Variants in SASH1 observed in about 807,000 individuals in gnomAD.
SASH1 encodes the protein SAM and SH3 domain containing 1.
SASH1 carries 44 observed loss-of-function variants against 125.2 expected under a neutral mutation model. The observed-to-expected ratio is 0.35, with a 90% CI of 0.28 to 0.45. The LOEUF (loss-of-function observed/expected upper bound fraction) is 0.45, where lower values mean the gene tolerates loss of function less well. SASH1 is among the 20% of genes least tolerant of loss of function. SASH1 has a pLI of 1.00. For missense variants in SASH1, 1,426 were observed against 1,614.5 expected, an observed-to-expected ratio of 0.88 and a Z score of 2.00; for synonymous variants, 639 against 649.1, an observed-to-expected ratio of 0.98 and a Z score of 0.24.
At chr6:148,341,067 C>G (rs1781304924), upstream of SASH1, among the ~76,000 whole-genome samples, 1 of 152,100 alleles carries the variant, frequency 6.6e-6, no homozygotes, top group African/African-American at 2.4e-5. Flanking sequence ...CCCAGGAGTT[C>G]AAGGCCGCAG....
At chr6:148,326,034 C>CT (rs67220775) in intron 1 of SASH1, among the ~76,000 whole-genome samples, 70,931 of 141,978 alleles carry the variant, frequency 0.5, 17,881 homozygotes, top group Middle Eastern at 0.67. Flanking sequence ...TGCTCTTGAA[C>CT]TTTTTTTTTT....
intron 4 of SASH1, among the ~76,000 whole-genome samples, chr6:148,449,995 C>G (rs1227424112): frequency 6.6e-6 from 1 of 152,172 alleles, no homozygotes; most frequent in African/African-American, 2.4e-5. Flanking sequence ...GATCTGCTCC[C>G]GTGACCCAAC....
intron 1 of SASH1, among the ~76,000 whole-genome samples, chr6:148,378,586 C>A (rs541795392): frequency 1.3e-5 from 2 of 152,312 alleles, no homozygotes; most frequent in African/African-American, 4.8e-5. Flanking sequence ...TCTCAAACTC[C>A]TGGGCTCAAG....
intron 2 of SASH1, among the ~76,000 whole-genome samples, chr6:148,431,272 C>T (rs1310147968): frequency 1.3e-5 from 2 of 151,898 alleles, no homozygotes; most frequent in Non-Finnish European, 2.9e-5. Flanking sequence ...GATCTCGGCT[C>T]ACTGCAACCT....
At chr6:148,322,934 T>TTTCTCTCTTTTCTTTTCCTTCC (rs1554234566) in intron 1 of SASH1, among the ~76,000 whole-genome samples, 1 of 129,406 alleles carries the variant, frequency 7.7e-6, no homozygotes, top group Non-Finnish European at 1.7e-5. Flanking sequence ...TCTCTCTTTC[T>TTTCTCTCTTTTCTTTTCCTTCC]TTTCCTTCCT....
chr6:148,392,286 C>CAAAAAAA (rs61537766), intron 2 of SASH1, among the ~76,000 whole-genome samples: 1 of 116,126 alleles, frequency 8.6e-6, no homozygotes. Flanking sequence ...AACTCTGTCT[C>CAAAAAAA]AAAAAAAAAA....
intron 15 of SASH1, 135 bp downstream of exon 15, chr6:148,534,115 G>A (rs1169423363): frequency 3.0e-6 from 2 of 674,664 alleles, no homozygotes; most frequent in Non-Finnish European, 5.1e-6. Flanking sequence ...TCGTTACTAT[G>A]ATGAGCATTC....
At chr6:148,538,254 T>G (rs1781992626) in intron 16 of SASH1, among the ~76,000 whole-genome samples, 1 of 152,082 alleles carries the variant, frequency 6.6e-6, no homozygotes, top group Admixed American at 6.5e-5. Flanking sequence ...CATGCTGCAG[T>G]AGGAGCAGGT....
intron 2 of SASH1, among the ~76,000 whole-genome samples, chr6:148,404,300 C>G (rs1318154827): frequency 1.3e-5 from 2 of 152,142 alleles, no homozygotes; most frequent in African/African-American, 4.8e-5. Context: ...GTTCAGACTT[C>G]TAATTAGAGG....
the SASH1 span, among the ~76,000 whole-genome samples, chr6:148,242,140 T>C: frequency 6.6e-6 from 1 of 152,228 alleles, no homozygotes; most frequent in South Asian, 2.1e-4. Context: ...AGTCAACCAG[T>C]CTCTTGCTAT....
At chr6:148,364,994 G>A (rs1389614987) in intron 1 of SASH1, among the ~76,000 whole-genome samples, 1 of 152,070 alleles carries the variant, frequency 6.6e-6, no homozygotes, top group Non-Finnish European at 1.5e-5. Flanking sequence ...ATGGTGGTAT[G>A]TGCCTGTAAT....
chr6:148,269,429 C>T (rs1422859568), upstream of SASH1, among the ~76,000 whole-genome samples: 1 of 152,158 alleles, frequency 6.6e-6, no homozygotes. Flanking sequence ...ACCATTATGC[C>T]CAGCAAATGT....
At position 148,274,867 on chromosome 6, in the gene SASH1, C is replaced by A. The variant is rs542065507; in HGVS notation, n.74+2490C>A. ...AAAATCCAGATCCAAAATCTCTCTG[C>A]CTCTTTTCCAGTAACAAACCCAGCA... On this transcript the variant is annotated intron_variant and non_coding_transcript_variant, in intron 1 of 3. Coordinates refer to the SASH1 transcript ENST00000367469. Among the ~76,000 whole-genome samples the A allele has an allele frequency of 9.2e-5, 14 of 152,300 alleles. No homozygotes were observed. In the South Asian group the frequency reaches 2.9e-3, roughly 32 times the overall value.
chr6:148,441,998 T>C (rs1177936523), intron 4 of SASH1, among the ~76,000 whole-genome samples: 3 of 152,240 alleles, frequency 2.0e-5, no homozygotes, highest in Admixed American at 2.0e-4. Context: ...TCTAAACAAT[T>C]TGAAAGTTTA....
chr6:148,360,322 C>T (rs1277750408), intron 1 of SASH1, among the ~76,000 whole-genome samples: 1 of 151,144 alleles, frequency 6.6e-6, no homozygotes, highest in Non-Finnish European at 1.5e-5. Flanking sequence ...ACTTGGCTGC[C>T]ACAGGACTTG....
At chr6:148,265,177 G>T in the SASH1 span, among the ~76,000 whole-genome samples, 1 of 152,050 alleles carries the variant, frequency 6.6e-6, no homozygotes, top group Non-Finnish European at 1.5e-5. Flanking sequence ...AGACATGACG[G>T]CACACACCTG....
At chr6:148,322,632 A>G (rs1780664196) in intron 1 of SASH1, among the ~76,000 whole-genome samples, 1 of 151,506 alleles carries the variant, frequency 6.6e-6, no homozygotes. Context: ...TGCTGCTGTG[A>G]CTCTTCTCTT....
intron 1 of SASH1, among the ~76,000 whole-genome samples, chr6:148,357,752 C>T (rs527403770): frequency 1.3e-5 from 2 of 152,190 alleles, no homozygotes; most frequent in South Asian, 2.1e-4. Context: ...GAAAGTCAGC[C>T]TCCTGTTGTC....
intron 2 of SASH1, among the ~76,000 whole-genome samples, chr6:148,407,325 T>C (rs532583397): frequency 6.6e-6 from 1 of 152,350 alleles, no homozygotes; most frequent in African/African-American, 2.4e-5. Context: ...AGTGGAATTA[T>C]GTAGTATTTG....
Sources: gnomAD v4.1 joint callset for allele counts (sites outside exome capture counted in the v4.1 genomes callset) on GRCh38, gnomAD v4.1.1 for gene constraint, MANE v1.5 for transcripts, NCBI Gene and HGNC (gene_info 2026-07-23, HGNC 2026-07-21) for gene names.